Variants in PLEKHA6 observed in about 807,000 individuals in gnomAD.
The protein encoded by PLEKHA6 is pleckstrin homology domain-containing family A member 6.
Under a neutral mutation model 116.7 loss-of-function variants are expected in PLEKHA6, and 60 were observed. The ratio of observed to expected loss-of-function variants is 0.51; its 90% confidence interval spans 0.42 to 0.64. PLEKHA6 has a LOEUF of 0.64. Among genes scored for constraint, PLEKHA6 ranks in the 30% least tolerant of loss-of-function variants. The pLI is 0.00. For synonymous variants in PLEKHA6, 489 were observed against 556.1 expected, an observed-to-expected ratio of 0.88 and a Z score of 1.70; for missense variants, 1,338 against 1,422.7, an observed-to-expected ratio of 0.94 and a Z score of 0.96.
At chr1:204,338,679 G>A (rs1672741183) in intron 1 of PLEKHA6, among the ~76,000 whole-genome samples, 1 of 152,204 alleles carries the variant, frequency 6.6e-6, no homozygotes, top group South Asian at 2.1e-4. Flanking sequence ...AGGGAGACTT[G>A]TGGCTCCTGT....
At chr1:204,256,347 T>C (rs1012702651) in intron 9 of PLEKHA6, among the ~76,000 whole-genome samples, 1 of 152,116 alleles carries the variant, frequency 6.6e-6, no homozygotes, top group Non-Finnish European at 1.5e-5. Flanking sequence ...AAGGAGGAGA[T>C]GCAATTCGGA....
rs1666866756 is a variant in PLEKHA6, at chr1:204,266,696, A to G, written c.280+779T>C. Among the ~76,000 whole-genome samples the G allele has an allele frequency of 1.3e-5, 2 of 152,156 alleles. 1 individual carries two copies. The highest frequency in any genetic ancestry group is 2.9e-5 in the Non-Finnish European group (2 of 68,020). ...TTTGCCAAAGTTAATGATTCACTGA[A>G]TTGCTCCCACGAGGACTGGAAATCA... On this transcript the variant is annotated intron_variant, in intron 5 of 22. Transcript: ENST00000272203.
intron 15 of PLEKHA6, among the ~76,000 whole-genome samples, chr1:204,243,844 G>A (rs1014029418): frequency 8.6e-5 from 13 of 151,788 alleles, no homozygotes; most frequent in Admixed American, 2.0e-4. Flanking sequence ...TTTTTGAGAT[G>A]GAGTCTGGCT....
chr1:204,296,503 G>A (rs1670292158), intron 1 of PLEKHA6, among the ~76,000 whole-genome samples: 1 of 152,070 alleles, frequency 6.6e-6, no homozygotes, highest in South Asian at 2.1e-4. Context: ...TCCCCTACTC[G>A]CTTTGCTGTG....
intron 1 of PLEKHA6, chr1:204,313,671 T>C: frequency 1.0e-6 from 1 of 985,136 alleles, no homozygotes; most frequent in Non-Finnish European, 1.2e-6. Context: ...CATCCTCAGG[T>C]GGCTGTCTTT....
At chr1:204,287,105 G>T (rs745954569) in intron 1 of PLEKHA6, among the ~76,000 whole-genome samples, 1 of 152,076 alleles carries the variant, frequency 6.6e-6, no homozygotes, top group Non-Finnish European at 1.5e-5. Flanking sequence ...TCCTCCCTAG[G>T]TTCAACCTAG....
intron 1 of PLEKHA6, among the ~76,000 whole-genome samples, chr1:204,352,148 C>T (rs1673300126): frequency 6.6e-6 from 1 of 151,908 alleles, no homozygotes; most frequent in Non-Finnish European, 1.5e-5. Flanking sequence ...CCAAGGCAGA[C>T]AGATCACTTG....
intron 1 of PLEKHA6, among the ~76,000 whole-genome samples, chr1:204,278,656 C>G (rs1317025388): frequency 6.6e-6 from 1 of 152,222 alleles, no homozygotes; most frequent in Admixed American, 6.5e-5. Context: ...GATATTTAAA[C>G]AGCTTAATCT....
intron 1 of PLEKHA6, among the ~76,000 whole-genome samples, chr1:204,286,720 A>G (rs4951353): frequency 0.57 from 87,097 of 152,044 alleles, 25,498 homozygotes; most frequent in African/African-American, 0.7. Flanking sequence ...CCCTGCCTGG[A>G]AATAACAATC....
At chr1:204,242,126 G>C (rs1467586407) in intron 15 of PLEKHA6, among the ~76,000 whole-genome samples, 1 of 152,182 alleles carries the variant, frequency 6.6e-6, no homozygotes, top group Non-Finnish European at 1.5e-5. Context: ...CAGATTCAAG[G>C]AATGGCCGGT....
Position 204,259,581 on chromosome 1 carries a change from G to C in PLEKHA6, c.684C>G (p.Val228=), listed in dbSNP as rs764873707. The change falls in exon 8 of 23, where the codon GTC becomes GTG. Residue 228 remains valine (V), a synonymous_variant. Transcript: ENST00000272203. The surrounding 1 kb of genome is among the most constrained non-coding windows in gnomAD (Gnocchi z 4.6). ...TGGCTTTCACCGGAGGCTCTTTCTT[G>C]ACTTCTGGCCTCTCAGGCCTTCTCT... ...KAERRPERPE[V]KKEPPVKANG... 9 of 1,613,924 alleles carry C rather than the reference G, an allele frequency of 5.6e-6. No homozygotes were observed. The highest frequency in any genetic ancestry group is 6.8e-6 in the Non-Finnish European group (8 of 1,180,042).
At position 204,257,908 on chromosome 1, in the gene PLEKHA6, C is replaced by G. The variant is rs368608904; in HGVS notation, c.1008-39G>C. On this transcript the variant is annotated intron_variant, in intron 8 of 22. Transcript: ENST00000272203. The surrounding 1 kb of genome is among the most constrained non-coding windows in gnomAD (Gnocchi z 6.5). The stretch of plus-strand genomic sequence containing the variant: ...GACATTGTAATGAAGGCAGACAACA[C>G]GGGCACCCCTCCACCCACCCCAGCC... 2.6e-6 allele frequency: 4 copies of G among 1,561,698 alleles called. No homozygotes were observed. The highest frequency in any genetic ancestry group is 3.5e-6 in the Non-Finnish European group (4 of 1,148,458).
At chr1:204,242,349 AAAG>A (rs1164735296) in intron 15 of PLEKHA6, among the ~76,000 whole-genome samples, 1 of 152,172 alleles carries the variant, frequency 6.6e-6, no homozygotes, top group South Asian at 2.1e-4. Context: ...AAGAATACAA[AAAG>A]AAGACCAGGC....
chr1:204,276,637 GACACACACACACACAC>G lies in PLEKHA6; in HGVS notation c.-94-1844_-94-1829del, dbSNP rs10567692. 1.6e-3 allele frequency among the ~76,000 whole-genome samples: 225 copies of G among 136,928 alleles called. 3 individuals are homozygous for G. The highest frequency in any genetic ancestry group is 5.1e-3 in the African/African-American group (188 of 37,050). 89.8% of individuals were successfully genotyped at this position (136,928 alleles called of 152,430 possible). A position where few individuals can be genotyped will look rare whatever the true frequency, so the allele number is the denominator to read the frequency against. On this transcript the variant is annotated intron_variant, in intron 1 of 22. Coordinates refer to ENST00000272203, the MANE Select transcript of PLEKHA6 (RefSeq NM_014935.5). ...AATCTTCCCTGCAGGCACTGGCACAGACACACACACACACACACACACACACACACACACACACACA... is the reference window on the plus strand; with the variant it reads ...AATCTTCCCTGCAGGCACTGGCACAGACACACACACACACACACACACACA...
intron 1 of PLEKHA6, among the ~76,000 whole-genome samples, chr1:204,315,771 G>A (rs1315651115): frequency 1.3e-5 from 2 of 152,112 alleles, no homozygotes; most frequent in Non-Finnish European, 2.9e-5. Flanking sequence ...CCCGTGACAG[G>A]CAGCCTGGGA....
chr1:204,222,352 T>C lies in PLEKHA6; in HGVS notation c.*436A>G, dbSNP rs990104374. Reference sequence around the variant, plus strand: ...GGTGTCAGGCTGGCTCCAGAGGCAGTGTCCATCTCCTCTTCACCTCTAGTC... The same window carrying C: ...GGTGTCAGGCTGGCTCCAGAGGCAGCGTCCATCTCCTCTTCACCTCTAGTC... On this transcript the variant is annotated 3_prime_UTR_variant, in exon 23 of 23. Coordinates refer to ENST00000272203, the MANE Select transcript of PLEKHA6 (RefSeq NM_014935.5). The C allele has an allele frequency of 6.5e-6, 1 of 152,772 alleles. No homozygotes were observed. Among genetic ancestry groups the C allele is most frequent in the Non-Finnish European group, 1.5e-5 (1 of 68,200 alleles). The allele number at this position is 152,772 out of a possible 1,614,324, so 9.5% of individuals were successfully genotyped here.
intron 10 of PLEKHA6, among the ~76,000 whole-genome samples, chr1:204,250,261 G>A (rs904056954): frequency 6.6e-6 from 1 of 152,236 alleles, no homozygotes; most frequent in African/African-American, 2.4e-5. Flanking sequence ...ACTGCCGTAG[G>A]CAAAACGGCC....
chr1:204,242,406 G>T (rs1662960114), intron 15 of PLEKHA6, among the ~76,000 whole-genome samples: 2 of 152,120 alleles, frequency 1.3e-5, no homozygotes, highest in Admixed American at 6.5e-5. Flanking sequence ...GAGAACAGAG[G>T]TCCCCTTTCT....
Position 204,342,436 on chromosome 1 carries a change from A to G in PLEKHA6, c.-95+17258T>C, listed in dbSNP as rs148148627. Reference sequence around the variant, plus strand: ...CCCAGGAACCTGGTCAGTAGGACTAATATCAAGGCCTTGAAAGATAGGCTT... The same window carrying G: ...CCCAGGAACCTGGTCAGTAGGACTAGTATCAAGGCCTTGAAAGATAGGCTT... On this transcript the variant is annotated intron_variant, in intron 1 of 22. Coordinates refer to ENST00000272203, the MANE Select transcript of PLEKHA6 (RefSeq NM_014935.5). Among the ~76,000 whole-genome samples, 25 of 152,370 alleles carry G rather than the reference A, an allele frequency of 1.6e-4. No individual in the cohort carries two copies. In the East Asian group the frequency reaches 2.7e-3, roughly 16 times the overall value.
Sources: allele counts gnomAD v4.1 joint callset (sites outside exome capture counted in the v4.1 genomes callset), GRCh38; gene constraint gnomAD v4.1.1; non-coding constraint Gnocchi (gnomAD v3.1); transcripts MANE v1.5; gene names NCBI Gene and HGNC (gene_info 2026-07-23, HGNC 2026-07-21).